SCAPER: variants seen among roughly 807,000 people sequenced by gnomAD.
The protein encoded by SCAPER is S phase cyclin A-associated protein in the endoplasmic reticulum.
In SCAPER, 98 loss-of-function variants were observed where a neutral mutation model predicts 182.2. That is an observed-to-expected ratio of 0.54 (90% CI 0.46 to 0.64). The LOEUF is 0.64. Ranked by LOEUF, SCAPER falls within the 30% of genes least tolerant of loss-of-function variation. The pLI, the probability that SCAPER is intolerant of heterozygous loss-of-function variation, is 0.00. For missense variants in SCAPER, 1,432 were observed against 1,690.0 expected (o/e 0.85, Z 2.68); for synonymous variants, 605 against 564.6 (o/e 1.07, Z -1.01).
intron 5 of SCAPER, among the ~76,000 whole-genome samples, chr15:76,840,712 T>C (rs1350343114): frequency 6.6e-6 from 1 of 152,232 alleles, no homozygotes; most frequent in Non-Finnish European, 1.5e-5. Context: ...ATCTCTTTAA[T>C]ATTTCTGTAA....
intron 23 of SCAPER, among the ~76,000 whole-genome samples, chr15:76,511,837 A>ATGTGTGTG (rs1458148092): frequency 3.3e-5 from 1 of 30,158 alleles, no homozygotes; most frequent in African/African-American, 6.1e-5. Context: ...TATTATATAT[A>ATGTGTGTG]TATATATGTG....
intron 21 of SCAPER, among the ~76,000 whole-genome samples, chr15:76,648,512 A>G (rs910321156): frequency 2.6e-5 from 4 of 152,182 alleles, no homozygotes; most frequent in African/African-American, 9.6e-5. Flanking sequence ...TAAAATATAA[A>G]CTCACAGATT....
intron 23 of SCAPER, among the ~76,000 whole-genome samples, chr15:76,522,931 C>T (rs2144338169): frequency 6.6e-6 from 1 of 152,094 alleles, no homozygotes; most frequent in Middle Eastern, 3.4e-3. Context: ...TCAAAATAGA[C>T]TGTTAGTATA....
intron 4 of SCAPER, among the ~76,000 whole-genome samples, chr15:76,847,210 AG>A (rs761521994): frequency 6.6e-6 from 1 of 152,144 alleles, no homozygotes; most frequent in African/African-American, 2.4e-5. Flanking sequence ...GCAGGGGAGT[AG>A]GGGGGAAGTG....
intron 5 of SCAPER, among the ~76,000 whole-genome samples, chr15:76,832,639 G>A (rs2068585881): frequency 6.6e-6 from 1 of 152,166 alleles, no homozygotes; most frequent in South Asian, 2.1e-4. Flanking sequence ...CTAGTGGGAG[G>A]TGACTGAATC....
rs553220849 is a variant in SCAPER, at chr15:76,706,574, A to G, written c.2166-590T>C. Among the ~76,000 whole-genome samples the G allele has an allele frequency of 1.2e-4, 19 of 152,260 alleles. 1 individual carries two copies. The highest frequency in any genetic ancestry group is 4.6e-4 in the African/African-American group (19 of 41,574). Reference sequence around the variant, plus strand: ...GGCCTTAAAATACAGCAGATCTCCAAATCTTCCCATGCCGGCAGAAGGTGA... The same window carrying G: ...GGCCTTAAAATACAGCAGATCTCCAGATCTTCCCATGCCGGCAGAAGGTGA... On this transcript the variant is annotated intron_variant, in intron 17 of 31. Coordinates refer to ENST00000563290, the MANE Select transcript of SCAPER (RefSeq NM_020843.4).
At chr15:76,601,173 T>C (rs1597605540) in intron 22 of SCAPER, among the ~76,000 whole-genome samples, 1 of 122,596 alleles carries the variant, frequency 8.2e-6, no homozygotes, top group East Asian at 2.2e-4. Flanking sequence ...GAATGGGTGA[T>C]GGATGTTGTC....
chr15:76,682,263 T>TG (rs1397860892), intron 20 of SCAPER, among the ~76,000 whole-genome samples: 1 of 112,508 alleles, frequency 8.9e-6, no homozygotes, highest in African/African-American at 3.3e-5. Context: ...CTCACCTCCC[T>TG]TCCCCCCCCC....
At chr15:76,392,425 C>CA (rs936258302) in intron 27 of SCAPER, among the ~76,000 whole-genome samples, 56 of 152,266 alleles carry the variant, frequency 3.7e-4, no homozygotes, top group African/African-American at 1.3e-3. Flanking sequence ...CATATGTGAA[C>CA]AACAGGCTTT....
At chr15:76,422,346 G>A (rs909051863) in intron 26 of SCAPER, among the ~76,000 whole-genome samples, 12 of 152,300 alleles carry the variant, frequency 7.9e-5, no homozygotes, top group South Asian at 2.1e-4. Context: ...TCCCTTGTAA[G>A]TTGGATTCCT....
chr15:76,755,007 T>A (rs2062330629), intron 14 of SCAPER, among the ~76,000 whole-genome samples: 1 of 151,982 alleles, frequency 6.6e-6, no homozygotes. Flanking sequence ...TTAAAATTAA[T>A]TGAAGGGATA....
intron 4 of SCAPER, among the ~76,000 whole-genome samples, chr15:76,854,058 C>G (rs2071067459): frequency 6.6e-6 from 1 of 152,118 alleles, no homozygotes; most frequent in South Asian, 2.1e-4. Flanking sequence ...ATCACGAGGT[C>G]AGCAGATCGA....
intron 26 of SCAPER, among the ~76,000 whole-genome samples, chr15:76,415,506 A>C (rs936220879): frequency 6.6e-6 from 1 of 152,226 alleles, no homozygotes; most frequent in East Asian, 1.9e-4. Context: ...ATTTATTCAC[A>C]GAATAGAATC....
intron 27 of SCAPER, among the ~76,000 whole-genome samples, chr15:76,390,340 T>A (rs1329944840): frequency 6.6e-6 from 1 of 152,014 alleles, no homozygotes. Context: ...CTGTTTGGGA[T>A]CAACAACCTG....
intron 2 of SCAPER, among the ~76,000 whole-genome samples, chr15:76,879,018 C>T (rs2073367112): frequency 1.3e-5 from 2 of 152,042 alleles, no homozygotes; most frequent in South Asian, 2.1e-4. Flanking sequence ...CATACACTAC[C>T]GACAGGAAAT....
At position 76,592,799 on chromosome 15, in the gene SCAPER, T is replaced by C. The variant is rs1403230160; in HGVS notation, c.2712-18515A>G. Among the ~76,000 whole-genome samples, 4 of 121,730 alleles carry C rather than the reference T, an allele frequency of 3.3e-5. 1 individual carries two copies. The highest frequency in any genetic ancestry group is 1.0e-4 in the African/African-American group (4 of 39,824). The allele number at this position is 121,730 out of a possible 152,430, so 79.9% of individuals were successfully genotyped here. A position where few individuals can be genotyped will look rare whatever the true frequency, so the allele number is the denominator to read the frequency against. ...ATGGTGCACTCCAGCCCAGATACTATGCTTTTCCTAAGGTCTTTGCAACCC... is the reference window on the plus strand; with the variant it reads ...ATGGTGCACTCCAGCCCAGATACTACGCTTTTCCTAAGGTCTTTGCAACCC... On this transcript the variant is annotated intron_variant, in intron 22 of 31. Coordinates refer to ENST00000563290, the MANE Select transcript of SCAPER (RefSeq NM_020843.4).
At chr15:76,620,297 G>A (rs1271058559) in intron 22 of SCAPER, among the ~76,000 whole-genome samples, 1 of 152,068 alleles carries the variant, frequency 6.6e-6, no homozygotes, top group Non-Finnish European at 1.5e-5. Flanking sequence ...AGCACACATA[G>A]AGTCTAGCAT....
intron 1 of SCAPER, among the ~76,000 whole-genome samples, chr15:76,891,367 A>G (rs1357877503): frequency 6.6e-6 from 1 of 152,220 alleles, no homozygotes; most frequent in Non-Finnish European, 1.5e-5. Flanking sequence ...TTAGGAAGAG[A>G]GGAAGTCAAA....
At chr15:76,353,884 T>C (rs1414259941) in intron 30 of SCAPER, 65 bp downstream of exon 30, 1 of 1,372,842 alleles carries the variant, frequency 7.3e-7, no homozygotes, top group Non-Finnish European at 9.5e-7. Context: ...GCTGGCTTAC[T>C]TTTACATTTC....
Sources: gnomAD v4.1 joint callset for allele counts (sites outside exome capture counted in the v4.1 genomes callset) on GRCh38, gnomAD v4.1.1 for gene constraint, MANE v1.5 for transcripts, NCBI Gene and HGNC (gene_info 2026-07-23, HGNC 2026-07-21) for gene names.